Variants in EPHA6 observed in about 807,000 individuals in gnomAD.
The protein encoded by EPHA6 is ephrin type-A receptor 6.
EPHA6 carries 50 observed loss-of-function variants against 112.0 expected under a neutral mutation model. That is an observed-to-expected ratio of 0.45 (90% CI 0.36 to 0.56). EPHA6 has a LOEUF of 0.56. Among genes scored for constraint, EPHA6 ranks in the 20% least tolerant of loss-of-function variants. The pLI, the probability that EPHA6 is intolerant of heterozygous loss-of-function variation, is 0.00. For missense variants in EPHA6, 1,280 were observed against 1,417.4 expected (o/e 0.90, Z 1.56); for synonymous variants, 529 against 490.7 (o/e 1.08, Z -1.03).
intron 10 of EPHA6, among the ~76,000 whole-genome samples, chr3:97,509,022 T>TTTTTTTTTTTTTTTTTTTG (rs2092314082): frequency 2.4e-5 from 3 of 127,438 alleles, no homozygotes; most frequent in African/African-American, 3.2e-5. Flanking sequence ...TTTTTTTTTT[T>TTTTTTTTTTTTTTTTTTTG]GCTTTCCATT....
intron 6 of EPHA6, among the ~76,000 whole-genome samples, chr3:97,411,048 G>GT (rs374244249): frequency 0.017 from 2,399 of 144,936 alleles, 19 homozygotes; most frequent in African/African-American, 0.025. Context: ...GAATCAGCAA[G>GT]TTTTTTTTTT....
At chr3:97,123,078 T>A (rs1324230040) in intron 3 of EPHA6, among the ~76,000 whole-genome samples, 1 of 152,102 alleles carries the variant, frequency 6.6e-6, no homozygotes, top group Admixed American at 6.6e-5. Flanking sequence ...AGAATACTAA[T>A]ATATGTGATT....
intron 5 of EPHA6, among the ~76,000 whole-genome samples, chr3:97,403,539 C>T (rs1045831341): frequency 3.9e-5 from 6 of 152,274 alleles, no homozygotes; most frequent in Admixed American, 6.5e-5. Flanking sequence ...CTCCGCCTCC[C>T]GGGTTCACGC....
rs1382930405 is a variant in EPHA6 at position 97,075,939 on chromosome 3, G to A, written c.1114+87946G>A. Among the ~76,000 whole-genome samples the A allele has an allele frequency of 3.9e-5, 6 of 151,926 alleles. No homozygotes were observed. In the East Asian group the frequency reaches 1.2e-3, roughly 29 times the overall value. The stretch of plus-strand genomic sequence containing the variant: ...AAGATAGTAAACTTAATCCATAACC[G>A]TTGTGTGTATTCTGACTACTCTACC... On this transcript the variant is annotated intron_variant, in intron 3 of 17. Transcript: ENST00000389672.
At chr3:97,517,718 A>G (rs1457930438) in intron 10 of EPHA6, among the ~76,000 whole-genome samples, 6 of 152,144 alleles carry the variant, frequency 3.9e-5, no homozygotes, top group African/African-American at 2.4e-5. Flanking sequence ...GAAATTTTAT[A>G]TACTTTGATC....
chr3:97,471,868 A>G (rs1252989855), intron 7 of EPHA6, among the ~76,000 whole-genome samples: 2 of 151,762 alleles, frequency 1.3e-5, no homozygotes, highest in Non-Finnish European at 3.0e-5. Context: ...TCAATGGCTT[A>G]AAACAATATA....
At chr3:97,151,013 G>A (rs2076159560) in intron 3 of EPHA6, among the ~76,000 whole-genome samples, 1 of 152,048 alleles carries the variant, frequency 6.6e-6, no homozygotes, top group Non-Finnish European at 1.5e-5. Context: ...GAAGAAGTTA[G>A]TCATGGAATA....
At chr3:97,434,136 T>A (rs1311867774) in intron 6 of EPHA6, among the ~76,000 whole-genome samples, 1 of 152,170 alleles carries the variant, frequency 6.6e-6, no homozygotes, top group African/African-American at 2.4e-5. Flanking sequence ...AGGTAATATG[T>A]AAATCACTTA....
chr3:97,047,479 AAC>A (rs1273409327), intron 3 of EPHA6, among the ~76,000 whole-genome samples: 9 of 147,818 alleles, frequency 6.1e-5, no homozygotes, highest in Non-Finnish European at 1.0e-4. Flanking sequence ...CAGCCTGGGC[AAC>A]AGAGTGAGAC....
At chr3:96,986,597 T>A (rs563050950) in intron 2 of EPHA6, among the ~76,000 whole-genome samples, 3 of 152,298 alleles carry the variant, frequency 2.0e-5, no homozygotes, top group Admixed American at 2.0e-4. Context: ...CTCTTCTTAA[T>A]CTCCTTGACC....
intron 11 of EPHA6, among the ~76,000 whole-genome samples, chr3:97,555,852 G>A (rs1014794448): frequency 5.3e-5 from 8 of 151,994 alleles, no homozygotes; most frequent in South Asian, 4.2e-4. Flanking sequence ...AGTAGGTTGC[G>A]AAAATTTTCT....
intron 3 of EPHA6, among the ~76,000 whole-genome samples, chr3:97,133,751 A>G (rs953457725): frequency 1.3e-5 from 2 of 152,024 alleles, no homozygotes; most frequent in Non-Finnish European, 2.9e-5. Context: ...TTGATATGTT[A>G]ACAGTACAAA....
chr3:97,192,812 A>G (rs2077343282), intron 3 of EPHA6, among the ~76,000 whole-genome samples: 1 of 152,120 alleles, frequency 6.6e-6, no homozygotes, highest in Non-Finnish European at 1.5e-5. Context: ...ATGGCAAGAG[A>G]TAGGGATGTA....
chr3:97,181,386 G>A, intron 3 of EPHA6, among the ~76,000 whole-genome samples: 1 of 151,990 alleles, frequency 6.6e-6, no homozygotes, highest in East Asian at 1.9e-4. Context: ...GTAGATAGTT[G>A]TTATCTTGGT....
In EPHA6 at chr3:97,486,856, G is replaced by T. The variant is rs180706708; in HGVS notation, c.2200+2797G>T. The stretch of plus-strand genomic sequence containing the variant: ...TGCTCAAATTGAAGAAGAACCAGTC[G>T]TGTAACATCTGTGTACCACTGGTTA... On this transcript the variant is annotated intron_variant, in intron 10 of 17. Transcript: ENST00000389672. Among the ~76,000 whole-genome samples the T allele has an allele frequency of 5.3e-5, 8 of 152,308 alleles. No homozygotes were observed. The East Asian group carries it at 1.5e-3, about 29-fold the overall frequency.
intron 14 of EPHA6, among the ~76,000 whole-genome samples, chr3:97,686,620 T>C (rs1038580710): frequency 1.3e-5 from 2 of 152,206 alleles, no homozygotes; most frequent in African/African-American, 4.8e-5. Context: ...TAACATCTTC[T>C]CTACTGCATA....
intron 2 of EPHA6, among the ~76,000 whole-genome samples, chr3:96,972,535 TTTCCTTTTCTGTTACCTAC>T (rs1576209392): frequency 6.6e-6 from 1 of 152,098 alleles, no homozygotes; most frequent in East Asian, 1.9e-4. Flanking sequence ...TATTAGAATA[TTTCCTTTTCTGTTACCTAC>T]TGTCAGCATA....
intron 2 of EPHA6, among the ~76,000 whole-genome samples, chr3:96,928,481 A>G (rs949359032): frequency 3.9e-5 from 6 of 152,138 alleles, no homozygotes; most frequent in African/African-American, 1.4e-4. Flanking sequence ...GTGGCCTGAG[A>G]GACAGTTTGT....
At chr3:97,650,161 A>G (rs531941285) in intron 14 of EPHA6, among the ~76,000 whole-genome samples, 3 of 152,248 alleles carry the variant, frequency 2.0e-5, no homozygotes, top group Non-Finnish European at 4.4e-5. Context: ...TATGTGCTAA[A>G]TGCATGGTAA....
Sources: gnomAD v4.1 joint callset for allele counts (sites outside exome capture counted in the v4.1 genomes callset) on GRCh38, gnomAD v4.1.1 for gene constraint, MANE v1.5 for transcripts, NCBI Gene and HGNC (gene_info 2026-07-23, HGNC 2026-07-21) for gene names.